GRID2: variants seen among roughly 807,000 people sequenced by gnomAD.
The protein encoded by GRID2 is glutamate receptor ionotropic, delta-2.
A neutral mutation model predicts 114.8 loss-of-function variants in GRID2; 33 were observed. The ratio of observed to expected loss-of-function variants is 0.29; its 90% CI spans 0.22 to 0.38. GRID2 has a LOEUF of 0.38. GRID2 is among the 10% of genes least tolerant of loss of function. The pLI is 1.00. For synonymous variants in GRID2, 505 were observed against 449.9 expected, an observed-to-expected ratio of 1.12 and a Z score of -1.55; for missense variants, 1,184 against 1,257.7, an observed-to-expected ratio of 0.94 and a Z score of 0.89.
intron 1 of GRID2, among the ~76,000 whole-genome samples, chr4:92,499,674 G>A (rs1376676343): frequency 6.9e-4 from 105 of 152,242 alleles, no homozygotes; most frequent in Admixed American, 6.4e-3. Context: ...GTGCAATGGC[G>A]TGATCTTGGC....
chr4:93,460,199 A>T (rs1260148175), intron 11 of GRID2, among the ~76,000 whole-genome samples: 1 of 152,204 alleles, frequency 6.6e-6, no homozygotes, highest in Non-Finnish European at 1.5e-5. Context: ...CAATGCCCAC[A>T]GTTTAGAAGT....
chr4:93,070,234 C>T (rs1484854744), intron 2 of GRID2, among the ~76,000 whole-genome samples: 1 of 152,056 alleles, frequency 6.6e-6, no homozygotes, highest in Non-Finnish European at 1.5e-5. Flanking sequence ...GAATTATCTC[C>T]TTTCACTTCA....
intron 2 of GRID2, among the ~76,000 whole-genome samples, chr4:92,985,300 T>A (rs1452504698): frequency 6.6e-6 from 1 of 151,394 alleles, no homozygotes; most frequent in Non-Finnish European, 1.5e-5. Context: ...CTCAGCTCAC[T>A]GCAAGCTCCG....
At chr4:92,564,548 C>T (rs1352513916) in intron 1 of GRID2, among the ~76,000 whole-genome samples, 1 of 151,902 alleles carries the variant, frequency 6.6e-6, no homozygotes, top group Non-Finnish European at 1.5e-5. Flanking sequence ...TGAAGAAGGC[C>T]ATCTCTTTAG....
chr4:93,113,001 G>T (rs776431094), intron 4 of GRID2, among the ~76,000 whole-genome samples: 5 of 152,062 alleles, frequency 3.3e-5, no homozygotes, highest in African/African-American at 4.8e-5. Flanking sequence ...CGGATATTAG[G>T]AATTCAACAT....
At chr4:92,390,400 TATAGAA>T (rs1430650232) in intron 1 of GRID2, among the ~76,000 whole-genome samples, 5 of 152,138 alleles carry the variant, frequency 3.3e-5, no homozygotes, top group African/African-American at 1.2e-4. Flanking sequence ...AGTAATAAAA[TATAGAA>T]ATATAGAATT....
At chr4:92,788,586 T>C (rs1388057447) in intron 2 of GRID2, among the ~76,000 whole-genome samples, 1 of 151,922 alleles carries the variant, frequency 6.6e-6, no homozygotes, top group Non-Finnish European at 1.5e-5. Flanking sequence ...TGGATCCACA[T>C]CCTCATCAAT....
At chr4:93,457,409 A>AAG in intron 11 of GRID2, among the ~76,000 whole-genome samples, 1 of 152,118 alleles carries the variant, frequency 6.6e-6, no homozygotes, top group East Asian at 1.9e-4. Context: ...GGATCTAGTA[A>AAG]AGATGAGGCT....
At chr4:92,439,183 T>C (rs1464001964) in intron 1 of GRID2, among the ~76,000 whole-genome samples, 2 of 152,016 alleles carry the variant, frequency 1.3e-5, no homozygotes, top group Non-Finnish European at 2.9e-5. Context: ...GGGGTGCTTT[T>C]TGAGCCAGGA....
intron 14 of GRID2, among the ~76,000 whole-genome samples, chr4:93,741,924 CAAAAAA>C (rs34316739): frequency 1.9e-5 from 2 of 106,450 alleles, no homozygotes; most frequent in South Asian, 3.2e-4. Flanking sequence ...GACTCTGTCT[CAAAAAA>C]AAAAAAAAAA....
chr4:93,792,527 A>C (rs1339022980), intron 1 of GRID2, among the ~76,000 whole-genome samples: 1 of 152,196 alleles, frequency 6.6e-6, no homozygotes, highest in Non-Finnish European at 1.5e-5. Flanking sequence ...CCAATTTTGC[A>C]TTGGCCTAAC....
chr4:92,317,761 C>T (rs1372068218), intron 1 of GRID2, among the ~76,000 whole-genome samples: 2 of 152,048 alleles, frequency 1.3e-5, no homozygotes, highest in African/African-American at 4.8e-5. Context: ...GTTAGTGAGA[C>T]AAGTGAAGCT....
At chr4:92,690,699 T>G (rs1734143237) in intron 2 of GRID2, among the ~76,000 whole-genome samples, 1 of 152,142 alleles carries the variant, frequency 6.6e-6, no homozygotes, top group Non-Finnish European at 1.5e-5. Flanking sequence ...ATCTATATCC[T>G]GAAAACTGAG....
At chr4:92,548,401 ATT>A (rs61653263) in intron 1 of GRID2, among the ~76,000 whole-genome samples, 5 of 60,808 alleles carry the variant, frequency 8.2e-5, no homozygotes, top group African/African-American at 3.4e-4. Context: ...AGACTGTGTA[ATT>A]TTTTTTTTTT....
chr4:92,548,626 T>C (rs1726406168), intron 1 of GRID2, among the ~76,000 whole-genome samples: 1 of 151,672 alleles, frequency 6.6e-6, no homozygotes, highest in Admixed American at 6.6e-5. Flanking sequence ...ACTCCTGACC[T>C]CAGGTGGTCA....
chr4:93,365,361 A>G (rs1762242365), intron 8 of GRID2, among the ~76,000 whole-genome samples: 1 of 152,210 alleles, frequency 6.6e-6, no homozygotes, highest in Non-Finnish European at 1.5e-5. Flanking sequence ...ACCTAGAGTT[A>G]AAGATCAAAT....
At chr4:92,728,595 T>C (rs1227188256) in intron 2 of GRID2, among the ~76,000 whole-genome samples, 1 of 151,870 alleles carries the variant, frequency 6.6e-6, no homozygotes, top group Non-Finnish European at 1.5e-5. Flanking sequence ...AGTCTTTCAG[T>C]AAACTACTCT....
chr4:93,472,830 T>C (rs1023030737), intron 11 of GRID2, among the ~76,000 whole-genome samples: 1 of 152,176 alleles, frequency 6.6e-6, no homozygotes, highest in Non-Finnish European at 1.5e-5. Context: ...GTATGAAGCA[T>C]GATTTGAAGG....
chr4:93,673,805 C>T (rs1724626365), intron 14 of GRID2, among the ~76,000 whole-genome samples: 2 of 152,204 alleles, frequency 1.3e-5, no homozygotes, highest in Non-Finnish European at 2.9e-5. Context: ...GTTAACAAAA[C>T]TTATGATGCG....
Sources: allele counts gnomAD v4.1 joint callset (sites outside exome capture counted in the v4.1 genomes callset), GRCh38; gene constraint gnomAD v4.1.1; transcripts MANE v1.5; gene names NCBI Gene and HGNC (gene_info 2026-07-23, HGNC 2026-07-21).